CTSC: variants seen among roughly 807,000 people sequenced by gnomAD.
The protein encoded by CTSC is cathepsin C.
Under a neutral mutation model 40.9 loss-of-function variants are expected in CTSC, and 37 were observed. The observed-to-expected ratio is 0.91, with a 90% CI of 0.70 to 1.19. The LOEUF is 1.19. CTSC is among the 50% of genes most tolerant of loss of function. The probability of loss-of-function intolerance (pLI) is 0.00; values close to 1 mark genes in which losing one functional copy is unlikely to be tolerated. For missense variants in CTSC, 594 were observed against 567.3 expected, an observed-to-expected ratio of 1.05 and a Z score of -0.48; for synonymous variants, 232 against 207.4, an observed-to-expected ratio of 1.12 and a Z score of -1.02.
intron 4 of CTSC, among the ~76,000 whole-genome samples, chr11:88,301,108 C>G (rs904077965): frequency 6.6e-6 from 1 of 152,080 alleles, no homozygotes; most frequent in Non-Finnish European, 1.5e-5. Context: ...AAAAAAGGGT[C>G]TATGTGAGGC....
At chr11:88,320,050 C>T (rs965289711) in intron 2 of CTSC, among the ~76,000 whole-genome samples, 1 of 152,154 alleles carries the variant, frequency 6.6e-6, no homozygotes, top group Non-Finnish European at 1.5e-5. Context: ...CACATCTTTC[C>T]TCAGAAAGAA....
At chr11:88,313,482 T>C (rs1258770780) in intron 2 of CTSC, among the ~76,000 whole-genome samples, 2 of 152,244 alleles carry the variant, frequency 1.3e-5, no homozygotes, top group Non-Finnish European at 2.9e-5. Flanking sequence ...TATGGCCTTT[T>C]GTCTTATTTC....
intron 1 of CTSC, among the ~76,000 whole-genome samples, chr11:88,337,297 G>A (rs574479424): frequency 1.3e-5 from 2 of 152,328 alleles, no homozygotes; most frequent in South Asian, 2.1e-4. Context: ...CCAAGAAAGT[G>A]TGGAGTTAGA....
Position 88,317,827 on chromosome 11 carries a change from T to C in CTSC, c.319-5273A>G, listed in dbSNP as rs541262854. ...TTAAGTTTCCATTCATTTATGCTAA[T>C]TTCTACTGCAACAAATAGATAATTT... On this transcript the variant is annotated intron_variant, in intron 2 of 6. Coordinates refer to ENST00000227266, the MANE Select transcript of CTSC (RefSeq NM_001814.6). Among the ~76,000 whole-genome samples the C allele has an allele frequency of 2.6e-5, 4 of 152,346 alleles. No homozygotes were observed. The South Asian group carries it at 6.2e-4, about 24-fold the overall frequency.
At position 88,294,486 on chromosome 11, in the gene CTSC, G is replaced by T. The variant is rs746735055; in HGVS notation, c.912C>A (p.Tyr304Ter). 3 of 1,614,144 alleles carry T rather than the reference G, an allele frequency of 1.9e-6. No individual in the cohort carries two copies. The highest frequency in any genetic ancestry group is 2.2e-5 in the East Asian group (1 of 44,886). ...CTTGGGCGTACTTTCCTGCAATAAG[G>T]TATGGGAAGCCGCCTTCACAGCCTG... Reference protein sequence around the residue: ...YAQGCEGGFPYLIAGKYAQDF... With the variant: ...YAQGCEGGFP Residue 304 changes from tyrosine (Y) to a stop codon, truncating the protein, a stop_gained, in exon 7 of 7, where the codon TAC (tyrosine) becomes TAA (stop). Coordinates refer to ENST00000227266, the MANE Select transcript of CTSC (RefSeq NM_001814.6). LOFTEE classifies it low-confidence loss of function (END_TRUNC).
At chr11:88,315,502 C>T (rs934268903) in intron 2 of CTSC, among the ~76,000 whole-genome samples, 19 of 152,262 alleles carry the variant, frequency 1.2e-4, no homozygotes, top group African/African-American at 4.3e-4. Context: ...GAGAAGACTG[C>T]CTATTTCTAT....
chr11:88,297,510 G>A (rs1944311711), intron 5 of CTSC: 1 of 152,254 alleles, frequency 6.6e-6, no homozygotes, highest in South Asian at 2.1e-4. Flanking sequence ...CAACCCAGGA[G>A]AGTCTGGAAA....
In CTSC at chr11:88,337,665, G is replaced by A. The variant is rs779675141; in HGVS notation, c.8C>T (p.Ala3Val). The change falls in exon 1 of 7, where the codon GCT (alanine) becomes GTT (valine). Residue 3 changes from alanine to valine, a missense_variant. Ala to Val is a moderately conservative substitution (Grantham distance 64). Transcript: ENST00000227266. ...GGCGGCGAGCAGCAAGGAGGGCCCA[G>A]CACCCATGCTGCAGGGAGCTGAGAA... MG[A>V]GPSLLLAALL... The A allele has an allele frequency of 2.5e-6, 4 of 1,576,694 alleles. No individual in the cohort carries two copies. The highest frequency in any genetic ancestry group is 2.3e-5 in the East Asian group (1 of 42,898).
At chr11:88,335,906 A>G (rs574391505) in intron 1 of CTSC, among the ~76,000 whole-genome samples, 1 of 152,204 alleles carries the variant, frequency 6.6e-6, no homozygotes, top group African/African-American at 2.4e-5. Flanking sequence ...AAGGCTCTAC[A>G]GTTTAGAACC....
chr11:88,337,529 G>A lies in CTSC; in HGVS notation c.144C>T (p.Ser48=). ...TWVFQVGSSG[S]QRDVNCSVMG... is the part of the protein sequence containing the mutation. ...TAACCGAGCAGTTGACATCGCGCTG[G>A]GAACCGCTGGAGCCCACCTGGAAGA... The change falls in exon 1 of 7, where the codon TCC becomes TCT. Residue 48 remains serine, a synonymous_variant. Coordinates refer to ENST00000227266, the MANE Select transcript of CTSC (RefSeq NM_001814.6). 6.3e-7 allele frequency: 1 copy of A among 1,575,752 alleles called. No individual in the cohort carries two copies. The highest frequency in any genetic ancestry group is 8.6e-7 in the Non-Finnish European group (1 of 1,159,730).
intron 2 of CTSC, among the ~76,000 whole-genome samples, chr11:88,317,020 G>A (rs1022138654): frequency 2.6e-5 from 4 of 151,446 alleles, no homozygotes; most frequent in Non-Finnish European, 2.9e-5. Context: ...AGGCTGGAGT[G>A]CAGTGGCGCG....
intron 5 of CTSC, 96 bp from the exon 6 acceptor site, chr11:88,296,360 T>C: frequency 5.5e-6 from 8 of 1,445,996 alleles, no homozygotes; most frequent in Middle Eastern, 1.8e-4. Flanking sequence ...TTAATGTTTA[T>C]ACTGAATGTT....
intron 2 of CTSC, among the ~76,000 whole-genome samples, chr11:88,330,889 A>C (rs1292315673): frequency 1.3e-5 from 2 of 152,224 alleles, no homozygotes; most frequent in Non-Finnish European, 2.9e-5. Flanking sequence ...CTGAATAAAC[A>C]GAACTTAATA....
In CTSC at chr11:88,335,044, G is replaced by T. The variant is rs1938454076; in HGVS notation, c.211C>A (p.Leu71Met). The T allele has an allele frequency of 3.1e-6, 5 of 1,606,120 alleles. 1 individual carries two copies. In the South Asian group the frequency reaches 3.3e-5, roughly 11 times the overall value. ...EKKVVVYLQK[L>M]DTAYDDLGNS... ...CCAAGGTCATCATATGCTGTATCCA[G>T]CTTCTGAAGGTACACCACTACTTTT... Residue 71 changes from leucine to methionine, a missense_variant, in exon 2 of 7, where the codon CTG becomes ATG. By Grantham distance (15) the Leu-to-Met change is conservative. Coordinates refer to ENST00000227266, the MANE Select transcript of CTSC (RefSeq NM_001814.6).
intron 2 of CTSC, among the ~76,000 whole-genome samples, chr11:88,315,466 G>A (rs1354753643): frequency 6.6e-6 from 1 of 152,166 alleles, no homozygotes; most frequent in Non-Finnish European, 1.5e-5. Flanking sequence ...GAGTTCTATA[G>A]GAAAGGGGTG....
At chr11:88,336,237 TTA>T (rs1491104241) in intron 1 of CTSC, among the ~76,000 whole-genome samples, 2,202 of 59,114 alleles carry the variant, frequency 0.037, 68 homozygotes, top group African/African-American at 0.12. Flanking sequence ...AAACTCAAAT[TTA>T]AAAAAAAAAA....
Position 88,337,502 on chromosome 11 carries a change from C to T in CTSC, c.171G>A (p.Met57Ile). 6.4e-7 allele frequency: 1 copy of T among 1,571,190 alleles called. No homozygotes were observed. The highest frequency in any genetic ancestry group is 8.6e-7 in the Non-Finnish European group (1 of 1,157,206). Residue 57 changes from methionine (M) to isoleucine (I), a missense_variant and splice_region_variant, in exon 1 of 7, where the codon ATG becomes ATA. By Grantham distance (10) the Met-to-Ile change is conservative (BLOSUM62 1). Transcript: ENST00000227266. ...AGGACTGCCGAGCCGGCGGCTTACC[C>T]ATAACCGAGCAGTTGACATCGCGCT... Reference protein sequence around the residue: ...GSQRDVNCSVMGPQEKKVVVY... With the variant: ...GSQRDVNCSVIGPQEKKVVVY...
chr11:88,312,897 G>A lies in CTSC; in HGVS notation c.319-343C>T, dbSNP rs533602108. 3.9e-5 allele frequency among the ~76,000 whole-genome samples: 6 copies of A among 152,314 alleles called. No homozygotes were observed. The South Asian group carries it at 1.2e-3, about 32-fold the overall frequency. ...ACAGTCCTTACAAGAAGACTATGAG[G>A]ATGCAGATGATAATAACCACATTTT... On this transcript the variant is annotated intron_variant, in intron 2 of 6. Coordinates refer to ENST00000227266, the MANE Select transcript of CTSC (RefSeq NM_001814.6).
rs1343944955 is a variant in CTSC at position 88,312,522 on chromosome 11, G to A, written c.351C>T (p.Tyr117=). The change falls in exon 3 of 7, where the codon TAC becomes TAT. Residue 117 remains tyrosine (Y), a synonymous_variant. Coordinates refer to ENST00000227266, the MANE Select transcript of CTSC (RefSeq NM_001814.6). ...CCCACCCAGTCATTGTCTCGTTGCAGTAAGTGGTCACCTTGCTGCCCTCTT... is the reference window on the plus strand; with the variant it reads ...CCCACCCAGTCATTGTCTCGTTGCAATAAGTGGTCACCTTGCTGCCCTCTT... ...YKEEGSKVTT[Y]CNETMTGWVH... is the part of the protein sequence containing the mutation. 7.4e-6 allele frequency: 12 copies of A among 1,614,156 alleles called. No homozygotes were observed. The highest frequency in any genetic ancestry group is 1.0e-5 in the Non-Finnish European group (12 of 1,180,034).
Sources: gnomAD v4.1 joint callset for allele counts (sites outside exome capture counted in the v4.1 genomes callset) on GRCh38, gnomAD v4.1.1 for gene constraint, MANE v1.5 for transcripts, NCBI Gene and HGNC (gene_info 2026-07-23, HGNC 2026-07-21) for gene names.